Variants in RBFOX1 observed in about 807,000 individuals in gnomAD.
RBFOX1 encodes RNA binding fox-1 homolog 1, also known as RNA binding protein fox-1 homolog 1.
A neutral mutation model predicts 57.7 loss-of-function variants in RBFOX1; 8 were observed. The observed-to-expected ratio is 0.14, with a 90% CI of 0.08 to 0.25. The LOEUF is 0.25. Ranked by LOEUF, RBFOX1 falls within the 10% of genes least tolerant of loss-of-function variation. RBFOX1 has a pLI of 1.00. For synonymous variants in RBFOX1, 326 were observed against 222.4 expected, an observed-to-expected ratio of 1.47 and a Z score of -4.15; for missense variants, 611 against 548.5, an observed-to-expected ratio of 1.11 and a Z score of -1.14.
chr16:6,093,530 T>G (rs2096205741), intron 1 of RBFOX1, among the ~76,000 whole-genome samples: 5 of 152,206 alleles, frequency 3.3e-5, no homozygotes, highest in Admixed American at 2.6e-4. Context: ...AGTGATCACA[T>G]GCAACTTTAA....
At chr16:7,316,914 A>G (rs1222034767) in intron 4 of RBFOX1, among the ~76,000 whole-genome samples, 1 of 151,258 alleles carries the variant, frequency 6.6e-6, no homozygotes, top group African/African-American at 2.4e-5. Context: ...GGAGTTTGGA[A>G]ATCTTGACCT....
chr16:7,002,820 T>A (rs2092947891), intron 3 of RBFOX1, among the ~76,000 whole-genome samples: 1 of 152,184 alleles, frequency 6.6e-6, no homozygotes, highest in South Asian at 2.1e-4. Context: ...AGATGCTATA[T>A]AATAAAGGGA....
intron 4 of RBFOX1, chr16:5,867,484 T>C (rs1253582712): frequency 3.8e-6 from 2 of 531,196 alleles, no homozygotes; most frequent in African/African-American, 3.9e-5. Context: ...GTGGTTTCTG[T>C]GCTGCTGGGT....
At chr16:6,884,708 G>C (rs981014520) in intron 3 of RBFOX1, among the ~76,000 whole-genome samples, 1 of 152,066 alleles carries the variant, frequency 6.6e-6, no homozygotes, top group South Asian at 2.1e-4. Flanking sequence ...GACCAGCTTG[G>C]GCAACATGAC....
chr16:6,376,049 C>G (rs1220098439), intron 2 of RBFOX1, among the ~76,000 whole-genome samples: 1 of 152,164 alleles, frequency 6.6e-6, no homozygotes, highest in Non-Finnish European at 1.5e-5. Context: ...TATAGGGGTA[C>G]ATTCCTTGAC....
chr16:7,108,013 A>G (rs971453994), intron 4 of RBFOX1, among the ~76,000 whole-genome samples: 1 of 144,866 alleles, frequency 6.9e-6, no homozygotes. Flanking sequence ...TGACAGTGAC[A>G]TAAGATTGGG....
intron 3 of RBFOX1, among the ~76,000 whole-genome samples, chr16:6,688,118 C>T (rs1202663089): frequency 2.0e-5 from 3 of 151,864 alleles, no homozygotes; most frequent in African/African-American, 4.8e-5. Flanking sequence ...GCTCCGGGTT[C>T]AGCAGGCTGT....
intron 3 of RBFOX1, among the ~76,000 whole-genome samples, chr16:5,718,979 A>G (rs1274641202): frequency 6.6e-6 from 1 of 151,994 alleles, no homozygotes; most frequent in African/African-American, 2.4e-5. Context: ...TAGTTAAAAA[A>G]AAAAAACAAT....
At chr16:5,611,719 T>TATCCATCCATCGATCC (rs1555481983) in intron 3 of RBFOX1, among the ~76,000 whole-genome samples, 1 of 114,584 alleles carries the variant, frequency 8.7e-6, no homozygotes, top group Non-Finnish European at 1.7e-5. Context: ...TCCATCCATC[T>TATCCATCCATCGATCC]ATCCATCCAT....
intron 3 of RBFOX1, among the ~76,000 whole-genome samples, chr16:6,897,019 G>A (rs1216209352): frequency 6.6e-6 from 1 of 152,176 alleles, no homozygotes; most frequent in Non-Finnish European, 1.5e-5. Flanking sequence ...CACCTGTGCA[G>A]AGCTCCCTGT....
chr16:6,643,961 A>G (rs2098512765), intron 2 of RBFOX1, among the ~76,000 whole-genome samples: 1 of 152,050 alleles, frequency 6.6e-6, no homozygotes, highest in Admixed American at 6.6e-5. Context: ...CCCCATCTGT[A>G]CTAAAAATAA....
intron 1 of RBFOX1, among the ~76,000 whole-genome samples, chr16:5,257,440 G>A (rs572274448): frequency 7.0e-4 from 107 of 152,302 alleles, no homozygotes; most frequent in African/African-American, 2.4e-3. Flanking sequence ...AGGAATCCCA[G>A]CATCCTCCTG....
intron 1 of RBFOX1, among the ~76,000 whole-genome samples, chr16:6,228,324 A>T (rs1265536372): frequency 6.6e-6 from 1 of 152,046 alleles, no homozygotes; most frequent in Non-Finnish European, 1.5e-5. Context: ...CTCCTTGTCA[A>T]AAATAAAATA....
At chr16:6,572,203 G>A (rs1467741906) in intron 2 of RBFOX1, among the ~76,000 whole-genome samples, 1 of 151,950 alleles carries the variant, frequency 6.6e-6, no homozygotes, top group Non-Finnish European at 1.5e-5. Flanking sequence ...ATTTAAATAT[G>A]TTTTGCCTAT....
At chr16:5,614,937 G>C (rs2047966865) in intron 3 of RBFOX1, among the ~76,000 whole-genome samples, 1 of 152,202 alleles carries the variant, frequency 6.6e-6, no homozygotes, top group Non-Finnish European at 1.5e-5. Context: ...AGCTGTGAGA[G>C]GTACTTGGAA....
chr16:7,376,531 C>T (rs1449365648), intron 4 of RBFOX1, among the ~76,000 whole-genome samples: 2 of 152,066 alleles, frequency 1.3e-5, no homozygotes, highest in East Asian at 1.9e-4. Context: ...GTGATAAGTC[C>T]CTAAATTCAG....
chr16:7,469,645 C>G (rs1380212284), intron 4 of RBFOX1, among the ~76,000 whole-genome samples: 1 of 152,206 alleles, frequency 6.6e-6, no homozygotes, highest in African/African-American at 2.4e-5. Context: ...TTCTTAATGT[C>G]TCACATCATT....
chr16:6,694,449 A>G (rs1470468863), intron 3 of RBFOX1, among the ~76,000 whole-genome samples: 2 of 152,216 alleles, frequency 1.3e-5, no homozygotes, highest in Admixed American at 6.5e-5. Flanking sequence ...TTCATTTTGG[A>G]TATAAAGAGG....
intron 1 of RBFOX1, among the ~76,000 whole-genome samples, chr16:6,217,900 G>C (rs532908007): frequency 6.6e-6 from 1 of 152,092 alleles, no homozygotes; most frequent in Non-Finnish European, 1.5e-5. Context: ...TTGTTAATCC[G>C]AGCTACTCAG....
Sources: allele counts gnomAD v4.1 joint callset (sites outside exome capture counted in the v4.1 genomes callset), GRCh38; gene constraint gnomAD v4.1.1; transcripts MANE v1.5; gene names NCBI Gene and HGNC (gene_info 2026-07-23, HGNC 2026-07-21).